ANXA8: variants seen among roughly 807,000 people sequenced by gnomAD.
The protein encoded by ANXA8 is annexin A8, also known as VAC-beta.
In ANXA8, 9 loss-of-function variants were observed where a neutral mutation model predicts 26.8. The observed-to-expected ratio is 0.34, with a 90% CI of 0.20 to 0.59. The LOEUF is 0.59. Ranked by LOEUF, ANXA8 falls within the 20% of genes least tolerant of loss-of-function variation. The pLI is 0.84. For missense variants in ANXA8, 83 were observed against 238.5 expected, an observed-to-expected ratio of 0.35 and a Z score of 4.29; for synonymous variants, 39 against 94.8, an observed-to-expected ratio of 0.41 and a Z score of 3.42.
the ANXA8 span, among the ~76,000 whole-genome samples, chr10:47,516,229 G>A: frequency 1.3e-5 from 1 of 79,798 alleles, no homozygotes; most frequent in African/African-American, 5.4e-5. Context: ...CTCAAGAAGA[G>A]ATAGTCTGCA....
At chr10:47,676,810 C>T in the ANXA8 span, among the ~76,000 whole-genome samples, 35 of 147,184 alleles carry the variant, frequency 2.4e-4, no homozygotes, top group African/African-American at 8.3e-4. Flanking sequence ...CCCAGCTACT[C>T]GGGAGGCTGA....
chr10:47,511,137 G>T, the ANXA8 span, among the ~76,000 whole-genome samples: 3 of 132,168 alleles, frequency 2.3e-5, no homozygotes, highest in Non-Finnish European at 4.7e-5. Flanking sequence ...TAGAGACGGG[G>T]TTTCACCGTG....
At chr10:47,694,662 G>T in the ANXA8 span, among the ~76,000 whole-genome samples, 1 of 151,760 alleles carries the variant, frequency 6.6e-6, no homozygotes. Context: ...CTTGTGATCT[G>T]CCCACCTTGG....
chr10:47,982,013 G>A, the ANXA8 span, among the ~76,000 whole-genome samples: 9 of 150,348 alleles, frequency 6.0e-5, no homozygotes, highest in East Asian at 1.0e-3. Context: ...TACAGGTTGG[G>A]TGCAGTGGCT....
the ANXA8 span, among the ~76,000 whole-genome samples, chr10:47,497,767 G>A: frequency 4.0e-5 from 6 of 150,164 alleles, no homozygotes; most frequent in South Asian, 2.1e-4. Flanking sequence ...GTGAAACCCC[G>A]TCTCTACTAA....
chr10:47,892,580 G>A, the ANXA8 span, among the ~76,000 whole-genome samples: 3 of 148,852 alleles, frequency 2.0e-5, no homozygotes, highest in East Asian at 5.8e-4. Flanking sequence ...CAACTAGGAA[G>A]AGCAGTGCCC....
At chr10:47,699,241 A>G in the ANXA8 span, among the ~76,000 whole-genome samples, 77 of 145,888 alleles carry the variant, frequency 5.3e-4, no homozygotes, top group Middle Eastern at 0.021. Context: ...CCAGCTACTC[A>G]GGAGGCTGAG....
At chr10:47,514,179 T>C in the ANXA8 span, among the ~76,000 whole-genome samples, 1 of 144,172 alleles carries the variant, frequency 6.9e-6, no homozygotes, top group African/African-American at 2.6e-5. Context: ...AAATTACAAT[T>C]ACAAAAATAT....
the ANXA8 span, among the ~76,000 whole-genome samples, chr10:47,967,411 G>C: frequency 6.8e-6 from 1 of 146,756 alleles, no homozygotes; most frequent in Admixed American, 6.8e-5. Context: ...TATCATTTTG[G>C]CATAATTATT....
the ANXA8 span, among the ~76,000 whole-genome samples, chr10:47,597,452 A>G: frequency 2.0e-5 from 3 of 146,988 alleles, no homozygotes; most frequent in South Asian, 6.3e-4. Context: ...AAATAGGAAA[A>G]GAGGAAATTA....
chr10:47,675,677 TC>T, the ANXA8 span, among the ~76,000 whole-genome samples: 9 of 151,654 alleles, frequency 5.9e-5, no homozygotes, highest in African/African-American at 2.2e-4. Context: ...TAATAAGTAA[TC>T]TATTTTTATA....
At chr10:47,666,907 A>G in the ANXA8 span, among the ~76,000 whole-genome samples, 24 of 152,020 alleles carry the variant, frequency 1.6e-4, 1 homozygote, top group African/African-American at 5.1e-4. Context: ...TTGAATTTTC[A>G]GGTTAGAACA....
the ANXA8 span, among the ~76,000 whole-genome samples, chr10:47,696,108 A>G: frequency 2.0e-5 from 3 of 151,886 alleles, no homozygotes; most frequent in Non-Finnish European, 4.4e-5. Context: ...TCAGAAATAT[A>G]CATGATAACA....
the ANXA8 span, among the ~76,000 whole-genome samples, chr10:47,627,360 TCTC>T: frequency 6.7e-6 from 1 of 150,214 alleles, no homozygotes; most frequent in Non-Finnish European, 1.5e-5. Context: ...GTAGACTACA[TCTC>T]CTATTTTTAC....
At chr10:47,960,469 C>A in the ANXA8 span, among the ~76,000 whole-genome samples, 1 of 148,868 alleles carries the variant, frequency 6.7e-6, no homozygotes, top group African/African-American at 2.5e-5. Context: ...CTCTGAGAAC[C>A]AATTATAAAC....
chr10:47,707,999 G>A, the ANXA8 span, among the ~76,000 whole-genome samples: 1 of 138,052 alleles, frequency 7.2e-6, no homozygotes, highest in African/African-American at 2.5e-5. Context: ...ATTGAATAAA[G>A]AAAATGTGGT....
chr10:47,666,198 A>AC, the ANXA8 span, among the ~76,000 whole-genome samples: 1 of 51,310 alleles, frequency 1.9e-5, no homozygotes, highest in Non-Finnish European at 3.8e-5. Flanking sequence ...CCCATCCCCC[A>AC]CCCCCCGCCT....
At chr10:47,588,188 T>C in the ANXA8 span, among the ~76,000 whole-genome samples, 1 of 141,978 alleles carries the variant, frequency 7.0e-6, no homozygotes, top group Non-Finnish European at 1.5e-5. Context: ...AATCTTCCTA[T>C]GATAATTTCA....
At chr10:47,668,868 T>C in the ANXA8 span, among the ~76,000 whole-genome samples, 1 of 151,458 alleles carries the variant, frequency 6.6e-6, no homozygotes, top group African/African-American at 2.4e-5. Context: ...GGGTGATCTA[T>C]CTGTGTCATT....
Sources: gnomAD v4.1 joint callset for allele counts (sites outside exome capture counted in the v4.1 genomes callset) on GRCh38, gnomAD v4.1.1 for gene constraint, MANE v1.5 for transcripts, NCBI Gene and HGNC (gene_info 2026-07-23, HGNC 2026-07-21) for gene names.